Variants in HELZ observed in about 807,000 individuals in gnomAD.
HELZ encodes the protein ATP-dependent RNA helicase with zinc finger domain.
Under a neutral mutation model 218.2 loss-of-function variants are expected in HELZ, and 23 were observed. The ratio of observed to expected loss-of-function variants is 0.11; its 90% confidence interval spans 0.08 to 0.15. The LOEUF (loss-of-function observed/expected upper bound fraction) is 0.15, where lower values mean the gene tolerates loss of function less well. Among genes scored for constraint, HELZ ranks in the 10% least tolerant of loss-of-function variants. The probability of loss-of-function intolerance (pLI) is 1.00; values close to 1 mark genes in which losing one functional copy is unlikely to be tolerated. For missense variants in HELZ, 1,813 were observed against 2,353.7 expected (o/e 0.77, Z 4.75); for synonymous variants, 814 against 829.4 (o/e 0.98, Z 0.32).
At chr17:67,177,720 C>T (rs2039500776) in intron 13 of HELZ, among the ~76,000 whole-genome samples, 1 of 151,408 alleles carries the variant, frequency 6.6e-6, no homozygotes, top group Non-Finnish European at 1.5e-5. Flanking sequence ...AAATAGATTC[C>T]ATCTGACTTT....
intron 31 of HELZ, among the ~76,000 whole-genome samples, chr17:67,104,448 AAC>A (rs1491060847): frequency 6.6e-6 from 1 of 151,638 alleles, no homozygotes; most frequent in Non-Finnish European, 1.5e-5. Context: ...CAAAAAAAAA[AAC>A]AAACAACTAT....
At chr17:67,197,977 T>TA (rs1173054432) in intron 7 of HELZ, among the ~76,000 whole-genome samples, 18 of 151,860 alleles carry the variant, frequency 1.2e-4, no homozygotes, top group East Asian at 5.8e-4. Context: ...CAAAAAAAAT[T>TA]AAAAAAAAGC....
At chr17:67,166,414 T>G in intron 15 of HELZ, 64 bp downstream of exon 15, 1 of 1,384,558 alleles carries the variant, frequency 7.2e-7, no homozygotes, top group Non-Finnish European at 1.0e-6. Flanking sequence ...CTTGAGTTAT[T>G]TGATACAGAT....
At chr17:67,200,145 A>G (rs2040132467) in intron 7 of HELZ, among the ~76,000 whole-genome samples, 1 of 152,224 alleles carries the variant, frequency 6.6e-6, no homozygotes, top group Non-Finnish European at 1.5e-5. Context: ...AAATAAGCCA[A>G]TTAATCACTG....
intron 12 of HELZ, among the ~76,000 whole-genome samples, chr17:67,185,549 T>A (rs958765221): frequency 6.6e-5 from 10 of 152,310 alleles, no homozygotes; most frequent in African/African-American, 2.2e-4. Context: ...ATTATGCTGA[T>A]GACCAAAAAA....
intron 18 of HELZ, 110 bp downstream of exon 18, chr17:67,150,936 A>G: frequency 2.3e-6 from 2 of 854,290 alleles, no homozygotes; most frequent in Non-Finnish European, 1.9e-6. Flanking sequence ...CTTTATTTAC[A>G]AAAACAGTCA....
chr17:67,088,084 A>G (rs1261947700), intron 31 of HELZ, among the ~76,000 whole-genome samples: 3 of 152,222 alleles, frequency 2.0e-5, no homozygotes, highest in African/African-American at 7.2e-5. Context: ...AGAATTAAAT[A>G]AGGATGCATA....
intron 32 of HELZ, among the ~76,000 whole-genome samples, chr17:67,085,198 C>G (rs1009523750): frequency 4.6e-5 from 7 of 152,242 alleles, no homozygotes; most frequent in Admixed American, 2.0e-4. Flanking sequence ...GTGGGCAGAT[C>G]GCTTGAGTCC....
rs977086858 is a variant in HELZ, at chr17:67,107,187, C to T, written c.5223G>A (p.Ser1741=). The T allele has an allele frequency of 5.6e-6, 9 of 1,612,426 alleles. No homozygotes were observed. The highest frequency in any genetic ancestry group is 1.7e-4 in the Middle Eastern group (1 of 6,048). ...CATTTACCTCTTCTAAGCTAGGGAG[C>T]GAAGAAGAAGATACTGTTCGAGATG... ...PLSSRTVSSS[S]LPSLEEYEPR... The change falls in exon 31 of 33, where the codon TCG becomes TCA. Residue 1741 remains serine, a synonymous_variant. Transcript: ENST00000358691.
Position 67,196,687 on chromosome 17 carries a change from T to C in HELZ, c.430-1217A>G, listed in dbSNP as rs114447498. ...TTGGGTGGGTGGGTGGATGGATAAATGGATGATTCACCTAAGCACTTTAAA... is the reference window on the plus strand; with the variant it reads ...TTGGGTGGGTGGGTGGATGGATAAACGGATGATTCACCTAAGCACTTTAAA... On this transcript the variant is annotated intron_variant, in intron 7 of 32. Coordinates refer to ENST00000358691, the MANE Select transcript of HELZ (RefSeq NM_014877.4). 2.0e-3 allele frequency among the ~76,000 whole-genome samples: 301 copies of C among 152,092 alleles called. 1 individual carries two copies. The highest frequency in any genetic ancestry group is 6.8e-3 in the African/African-American group (281 of 41,490).
intron 17 of HELZ, among the ~76,000 whole-genome samples, chr17:67,152,209 T>C (rs2038705596): frequency 6.6e-6 from 1 of 152,312 alleles, no homozygotes; most frequent in African/African-American, 2.4e-5. Context: ...TGTAAAACTG[T>C]CATGGTAATT....
intron 32 of HELZ, among the ~76,000 whole-genome samples, chr17:67,080,626 A>G (rs1374342560): frequency 1.3e-5 from 2 of 152,228 alleles, no homozygotes; most frequent in Admixed American, 6.5e-5. Flanking sequence ...GCTGTGCTAG[A>G]CCCATGAAAG....
At chr17:67,205,452 AAAGATT>A (rs1270886781) in intron 5 of HELZ, among the ~76,000 whole-genome samples, 2 of 152,200 alleles carry the variant, frequency 1.3e-5, no homozygotes, top group African/African-American at 4.8e-5. Context: ...AGGTTGTGGT[AAAGATT>A]AATTATGCTA....
chr17:67,215,315 T>A (rs1354257598), intron 5 of HELZ, among the ~76,000 whole-genome samples: 2 of 151,602 alleles, frequency 1.3e-5, no homozygotes, highest in African/African-American at 4.8e-5. Flanking sequence ...TTATGTTTCT[T>A]AAACTTTGGC....
In HELZ at chr17:67,149,890, C is replaced by T. The variant is rs2038620600; in HGVS notation, c.2452G>A (p.Val818Ile). The T allele has an allele frequency of 1.2e-6, 2 of 1,609,228 alleles. No individual in the cohort carries two copies. Among genetic ancestry groups the T allele is most frequent in the Non-Finnish European group, 1.7e-6 (2 of 1,177,318 alleles). Residue 818 changes from valine (V) to isoleucine (I), a missense_variant, in exon 19 of 33, where the codon GTC becomes ATC. By Grantham distance (29) the Val-to-Ile change is conservative. This residue lies in a region of HELZ where 714 missense variants were observed against 1,029.2 expected (regional missense o/e 0.69). Transcript: ENST00000358691. The part of the protein sequence containing the change: ...LALATQNTRI[V>I]LAGDHMQLSP... ...ACCTGCATGTGATCACCAGCCAAGACAATCCGAGTGTTTTGAGTTGCTAAT... is the reference window on the plus strand; with the variant it reads ...ACCTGCATGTGATCACCAGCCAAGATAATCCGAGTGTTTTGAGTTGCTAAT...
rs1401035066 is a variant in HELZ at position 67,107,586 on chromosome 17, T to C, written c.4824A>G (p.Arg1608=). The stretch of plus-strand genomic sequence containing the variant: ...CTGGTGGGCTTCTACTCTGTACTTG[T>C]CTATATTGCAAAAGTCTTGATTGAG... ...PPPQSRLLQY[R]QVQSRSPPAV... The change falls in exon 31 of 33, where the codon AGA becomes AGG. Residue 1608 remains arginine, a synonymous_variant. Transcript: ENST00000358691. 1.2e-6 allele frequency: 2 copies of C among 1,614,162 alleles called. No individual in the cohort carries two copies.
intron 19 of HELZ, among the ~76,000 whole-genome samples, chr17:67,149,186 C>G (rs1446132485): frequency 6.6e-6 from 1 of 152,126 alleles, no homozygotes; most frequent in Admixed American, 6.5e-5. Context: ...ATGGTTATGC[C>G]TTTTACTACT....
At chr17:67,158,962 G>A (rs2038921702) in intron 17 of HELZ, among the ~76,000 whole-genome samples, 1 of 152,092 alleles carries the variant, frequency 6.6e-6, no homozygotes, top group Non-Finnish European at 1.5e-5. Context: ...TTACTCCACT[G>A]TTTTCACACC....
Position 67,188,572 on chromosome 17 carries a change from A to G in HELZ, c.909T>C (p.His303=). ...LYRVALLYDA[H]RPHFSIIAIS... is the part of the protein sequence containing the mutation. ...TTGCAATGATACTAAAATGAGGACG[A>G]TGAGCATCATAAAGCAATGCTACAC... Residue 303 remains histidine (H), a synonymous_variant, in exon 12 of 33, where the codon CAT becomes CAC. Transcript: ENST00000358691. This position sits in a 1 kb window ranked among gnomAD's most constrained non-coding sequence, Gnocchi z 4.1. 1 of 1,613,856 alleles carries G rather than the reference A, an allele frequency of 6.2e-7. No individual in the cohort carries two copies. Among genetic ancestry groups the G allele is most frequent in the Non-Finnish European group, 8.5e-7 (1 of 1,179,772 alleles).
Sources: allele counts gnomAD v4.1 joint callset (sites outside exome capture counted in the v4.1 genomes callset), GRCh38; gene constraint gnomAD v4.1.1; regional missense constraint gnomAD v4.1.1; non-coding constraint Gnocchi (gnomAD v3.1); transcripts MANE v1.5; gene names NCBI Gene and HGNC (gene_info 2026-07-23, HGNC 2026-07-21).